The following IGF2R variants were observed in gnomAD, a reference collection of about 807,000 sequenced individuals.
The protein encoded by IGF2R is cation-independent mannose-6-phosphate receptor.
IGF2R carries 91 observed loss-of-function variants against 270.6 expected under a neutral mutation model. The observed-to-expected ratio is 0.34, with a 90% CI of 0.28 to 0.40. The LOEUF is 0.40. Among genes scored for constraint, IGF2R ranks in the 10% least tolerant of loss-of-function variants. The pLI, the probability that IGF2R is intolerant of heterozygous loss-of-function variation, is 1.00. For missense variants in IGF2R, 2,805 were observed against 3,188.3 expected (o/e 0.88, Z 2.90); for synonymous variants, 1,316 against 1,258.9 (o/e 1.05, Z -0.96).
intron 4 of IGF2R, among the ~76,000 whole-genome samples, chr6:160,021,829 A>G (rs1777444458): frequency 6.6e-6 from 1 of 152,212 alleles, no homozygotes; most frequent in African/African-American, 2.4e-5. Context: ...ATGGAAATTA[A>G]TCAAAGAACT....
chr6:160,069,831 C>G (rs780402633), intron 30 of IGF2R, 37 bp from the exon 31 acceptor site: 4 of 1,599,898 alleles, frequency 2.5e-6, no homozygotes, highest in Non-Finnish European at 3.4e-6. Context: ...CCTGGGGAGT[C>G]ACTAAAGGCA....
At chr6:159,969,864 ATGGTCCTGGAGTTGAGTGT>A (rs1562326838) in intron 1 of IGF2R, among the ~76,000 whole-genome samples, 2 of 152,030 alleles carry the variant, frequency 1.3e-5, no homozygotes, top group Non-Finnish European at 2.9e-5. Flanking sequence ...GCCCGCAGGA[ATGGTCCTGGAGTTGAGTGT>A]TTGTGGTTTC....
chr6:159,987,051 A>G (rs971083280), intron 1 of IGF2R, among the ~76,000 whole-genome samples: 3 of 152,190 alleles, frequency 2.0e-5, no homozygotes, highest in Admixed American at 1.3e-4. Context: ...TAATGTGATC[A>G]TGGTGCTTTT....
intron 4 of IGF2R, among the ~76,000 whole-genome samples, chr6:160,016,320 G>A (rs1777299815): frequency 6.6e-6 from 1 of 152,192 alleles, no homozygotes; most frequent in African/African-American, 2.4e-5. Flanking sequence ...TCACCGTTGG[G>A]GCCAGTGCTT....
chr6:159,980,083 T>A (rs1289119120), intron 1 of IGF2R, among the ~76,000 whole-genome samples: 1 of 151,532 alleles, frequency 6.6e-6, no homozygotes, highest in African/African-American at 2.4e-5. Flanking sequence ...CGGGAGGCTG[T>A]GGCAGGAGAA....
chr6:159,981,052 G>A (rs913641118), intron 1 of IGF2R, among the ~76,000 whole-genome samples: 10 of 152,326 alleles, frequency 6.6e-5, no homozygotes, highest in South Asian at 2.1e-4. Context: ...CATTTTTGTG[G>A]TAGCTTTCTG....
rs543103674 is a variant in IGF2R, at chr6:160,072,402, G to A, written c.4571-363G>A. Reference sequence around the variant, plus strand: ...GCATCAGTGTAGTGGATTGCCAGGAGTCTCTCACCTGCCCTTGTGCTGGGC... The same window carrying A: ...GCATCAGTGTAGTGGATTGCCAGGAATCTCTCACCTGCCCTTGTGCTGGGC... On this transcript the variant is annotated intron_variant, in intron 32 of 47. Coordinates refer to ENST00000356956, the MANE Select transcript of IGF2R (RefSeq NM_000876.4). 3.3e-5 allele frequency among the ~76,000 whole-genome samples: 5 copies of A among 152,328 alleles called. No homozygotes were observed. The South Asian group carries it at 1.0e-3, about 32-fold the overall frequency.
At chr6:159,989,318 G>T (rs189431817) in intron 1 of IGF2R, among the ~76,000 whole-genome samples, 1 of 152,150 alleles carries the variant, frequency 6.6e-6, no homozygotes, top group Non-Finnish European at 1.5e-5. Flanking sequence ...AGGGCACGTG[G>T]GGGGGCCTGG....
intron 44 of IGF2R, among the ~76,000 whole-genome samples, chr6:160,091,925 A>G (rs1033889641): frequency 6.6e-6 from 1 of 152,232 alleles, no homozygotes; most frequent in African/African-American, 2.4e-5. Context: ...TGCCTCAGCC[A>G]TCAGGTTATT....
chr6:159,990,048 C>G (rs774211396), intron 1 of IGF2R, among the ~76,000 whole-genome samples: 1 of 152,146 alleles, frequency 6.6e-6, no homozygotes, highest in African/African-American at 2.4e-5. Context: ...CTCTGTCTTG[C>G]GAGTTCAGAT....
intron 35 of IGF2R, 167 bp downstream of exon 35, chr6:160,074,142 G>T: frequency 1.6e-6 from 1 of 610,238 alleles, no homozygotes; most frequent in South Asian, 2.0e-5. Flanking sequence ...TTAAAGGTTT[G>T]CACATTGAAC....
At chr6:160,074,287 A>G (rs1325262261) in intron 35 of IGF2R, among the ~76,000 whole-genome samples, 1 of 152,258 alleles carries the variant, frequency 6.6e-6, no homozygotes, top group South Asian at 2.1e-4. Context: ...ACAGGAAAGC[A>G]CATTGCCCTA....
chr6:160,100,607 G>A (rs1221755800), intron 45 of IGF2R, among the ~76,000 whole-genome samples: 3 of 151,786 alleles, frequency 2.0e-5, no homozygotes, highest in Non-Finnish European at 4.4e-5. Context: ...AGATTTAATA[G>A]ACATGCGCAG....
intron 1 of IGF2R, among the ~76,000 whole-genome samples, chr6:159,979,512 G>A (rs1464081210): frequency 6.6e-6 from 1 of 152,192 alleles, no homozygotes; most frequent in Non-Finnish European, 1.5e-5. Context: ...GTGACAGGCA[G>A]CGTGAGCTCA....
intron 1 of IGF2R, among the ~76,000 whole-genome samples, chr6:159,983,996 G>A (rs1783842568): frequency 1.3e-5 from 2 of 152,198 alleles, no homozygotes; most frequent in East Asian, 1.9e-4. Context: ...GTATAGAGTA[G>A]CAGAAGTTTA....
chr6:160,000,394 T>C (rs1562337796), intron 2 of IGF2R, among the ~76,000 whole-genome samples: 2 of 152,006 alleles, frequency 1.3e-5, no homozygotes, highest in African/African-American at 4.8e-5. Context: ...TGAGAACTCT[T>C]ATCACGAGAC....
chr6:160,105,938 T>TGTGTGTGTGA lies in IGF2R; in HGVS notation c.*855_*856insTGTGTGTGAG, dbSNP rs961509219. 1 of 144,586 alleles carries TGTGTGTGTGA rather than the reference T, an allele frequency of 6.9e-6. No individual in the cohort carries two copies. Among genetic ancestry groups the TGTGTGTGTGA allele is most frequent in the African/African-American group, 2.6e-5 (1 of 37,890 alleles). 9.0% of individuals were successfully genotyped at this position (144,586 alleles called of 1,614,324 possible). Reference sequence around the variant, plus strand: ...GTGTGTGTGTGTGTGTGTGTGTGTGTGAGTGGAGTTGAGGTGTCAGAGAAA... The same window carrying TGTGTGTGTGA: ...GTGTGTGTGTGTGTGTGTGTGTGTGTGTGTGTGTGAGAGTGGAGTTGAGGTGTCAGAGAAA... On this transcript the variant is annotated 3_prime_UTR_variant, in exon 48 of 48. Transcript: ENST00000356956.
rs765757504 is a variant in IGF2R at position 160,102,033 on chromosome 6, G to A, written c.6843-486G>A. Among the ~76,000 whole-genome samples the A allele has an allele frequency of 2.4e-4, 36 of 152,266 alleles. 2 individuals are homozygous for A. Among genetic ancestry groups the A allele is most frequent in the South Asian group, 2.1e-3 (10 of 4,826 alleles). On this transcript the variant is annotated intron_variant, in intron 45 of 47. Transcript: ENST00000356956. This position sits in a 1 kb window ranked among gnomAD's most constrained non-coding sequence, Gnocchi z 4.5. The stretch of plus-strand genomic sequence containing the variant: ...TGGTCTGTGGCCGCCCCTGGGCCCC[G>A]TCCTGGCCTGTTTCTAAGGCCCCCT...
chr6:160,089,624 C>T (rs946311844), intron 43 of IGF2R, among the ~76,000 whole-genome samples: 2 of 152,122 alleles, frequency 1.3e-5, no homozygotes, highest in African/African-American at 2.4e-5. Context: ...GGGTGGTGGC[C>T]GAGGTGCACA....
Sources: allele counts gnomAD v4.1 joint callset (sites outside exome capture counted in the v4.1 genomes callset), GRCh38; gene constraint gnomAD v4.1.1; non-coding constraint Gnocchi (gnomAD v3.1); transcripts MANE v1.5; gene names NCBI Gene and HGNC (gene_info 2026-07-23, HGNC 2026-07-21).